The following SLC44A3 variants were observed in gnomAD, a reference collection of about 807,000 sequenced individuals.
The protein encoded by SLC44A3 is solute carrier family 44 member 3, also known as choline transporter-like protein 3.
In SLC44A3, 74 loss-of-function variants were observed where a neutral mutation model predicts 75.4. The observed-to-expected ratio is 0.98, with a 90% CI of 0.81 to 1.19. The LOEUF is 1.19. SLC44A3 is among the 50% of genes most tolerant of loss of function. SLC44A3 has a pLI of 0.00. For missense variants in SLC44A3, 700 were observed against 778.6 expected (o/e 0.90, Z 1.20); for synonymous variants, 310 against 296.9 (o/e 1.04, Z -0.45).
At chr1:94,867,046 T>TA (rs1667240225) in intron 11 of SLC44A3, among the ~76,000 whole-genome samples, 1 of 152,146 alleles carries the variant, frequency 6.6e-6, no homozygotes, top group African/African-American at 2.4e-5. Context: ...AGAGAGGTTT[T>TA]TTTTTTTACT....
rs1330913587 is a variant in SLC44A3, at chr1:94,821,075, T to C, written c.135+19T>C. On this transcript the variant is annotated intron_variant, in intron 2 of 14. Coordinates refer to ENST00000271227, the MANE Select transcript of SLC44A3 (RefSeq NM_001114106.3). Reference sequence around the variant, plus strand: ...TGGTTTGGTAAGTGTGGGTGCTTGGTAGGAAAGAGGCCAGAGTGTGTGTGC... The same window carrying C: ...TGGTTTGGTAAGTGTGGGTGCTTGGCAGGAAAGAGGCCAGAGTGTGTGTGC... 12 of 1,541,042 alleles carry C rather than the reference T, an allele frequency of 7.8e-6. No individual in the cohort carries two copies. Among genetic ancestry groups the C allele is most frequent in the Non-Finnish European group, 1.1e-5 (12 of 1,137,952 alleles).
intron 14 of SLC44A3, among the ~76,000 whole-genome samples, chr1:94,893,084 G>A (rs1670400946): frequency 6.6e-6 from 1 of 152,210 alleles, no homozygotes; most frequent in South Asian, 2.1e-4. Context: ...ATAGCAGGCA[G>A]CTGTTTGCAA....
chr1:94,826,929 C>G (rs1661431746), intron 3 of SLC44A3, among the ~76,000 whole-genome samples: 1 of 152,158 alleles, frequency 6.6e-6, no homozygotes, highest in African/African-American at 2.4e-5. Flanking sequence ...TAGCGCATAA[C>G]CTGCTGATGG....
At chr1:94,872,785 T>A (rs917582307) in intron 12 of SLC44A3, among the ~76,000 whole-genome samples, 2 of 151,906 alleles carry the variant, frequency 1.3e-5, no homozygotes, top group African/African-American at 4.8e-5. Context: ...ATCAAAGCCA[T>A]GAGATGCTTT....
At chr1:94,866,665 G>T (rs1667200554) in intron 11 of SLC44A3, among the ~76,000 whole-genome samples, 1 of 152,130 alleles carries the variant, frequency 6.6e-6, no homozygotes, top group Non-Finnish European at 1.5e-5. Flanking sequence ...TATTCCTGGG[G>T]TCCTCATCCT....
In SLC44A3 at chr1:94,888,631, G is replaced by A. The variant is rs928899585; in HGVS notation, c.1483-2499G>A. 4 of 979,428 alleles carry A rather than the reference G, an allele frequency of 4.1e-6. No homozygotes were observed. In the Admixed American group the frequency reaches 1.9e-4, roughly 46 times the overall value. The allele number at this position is 979,428 out of a possible 1,614,324, so 60.7% of individuals were successfully genotyped here. Reference sequence around the variant, plus strand: ...GTAAGTCCAAAACCAAAATTTCCTTGTGGAACTTTCTTTTTTTTTTTTGCA... The same window carrying A: ...GTAAGTCCAAAACCAAAATTTCCTTATGGAACTTTCTTTTTTTTTTTTGCA... On this transcript the variant is annotated intron_variant, in intron 12 of 14. Coordinates refer to ENST00000271227, the MANE Select transcript of SLC44A3 (RefSeq NM_001114106.3).
intron 9 of SLC44A3, among the ~76,000 whole-genome samples, chr1:94,855,790 A>T (rs1279066633): frequency 6.6e-6 from 1 of 152,156 alleles, no homozygotes; most frequent in Non-Finnish European, 1.5e-5. Flanking sequence ...ATATCTAAGG[A>T]CTCCTGAATG....
At chr1:94,840,879 T>A (rs533781208) in intron 7 of SLC44A3, among the ~76,000 whole-genome samples, 146 of 152,286 alleles carry the variant, frequency 9.6e-4, no homozygotes, top group African/African-American at 3.3e-3. Context: ...TCACCAGCAG[T>A]TGTTGGGAAA....
At chr1:94,824,148 G>A (rs1660979000) in intron 2 of SLC44A3, among the ~76,000 whole-genome samples, 1 of 150,968 alleles carries the variant, frequency 6.6e-6, no homozygotes, top group Admixed American at 6.6e-5. Context: ...GTTAAATTAA[G>A]CAAGAACATC....
intron 4 of SLC44A3, 141 bp from the exon 5 acceptor site, chr1:94,828,352 G>A: frequency 1.8e-6 from 1 of 565,066 alleles, no homozygotes; most frequent in Non-Finnish European, 3.1e-6. Flanking sequence ...ACCTCAGATT[G>A]TATGCCTATT....
At chr1:94,838,392 C>T (rs575597207) in intron 6 of SLC44A3, among the ~76,000 whole-genome samples, 1 of 152,322 alleles carries the variant, frequency 6.6e-6, no homozygotes, top group Admixed American at 6.5e-5. Flanking sequence ...AGGCCTTCAG[C>T]CTTCTCTGGG....
At chr1:94,882,007 G>A (rs1447349754) in intron 12 of SLC44A3, among the ~76,000 whole-genome samples, 2 of 151,460 alleles carry the variant, frequency 1.3e-5, no homozygotes, top group Non-Finnish European at 2.9e-5. Flanking sequence ...GTGAGAGAGC[G>A]AGACTCCATC....
intron 13 of SLC44A3, 126 bp from the exon 14 acceptor site, chr1:94,892,155 C>G: frequency 3.4e-6 from 3 of 870,124 alleles, no homozygotes; most frequent in Non-Finnish European, 5.4e-6. Flanking sequence ...TTCTGACAAG[C>G]ATTCTTTACA....
intron 2 of SLC44A3, among the ~76,000 whole-genome samples, chr1:94,821,321 C>G (rs1378148102): frequency 6.6e-6 from 1 of 152,118 alleles, no homozygotes; most frequent in African/African-American, 2.4e-5. Flanking sequence ...TTAGTAAGGC[C>G]AATGTGTCTC....
At chr1:94,825,330 T>G (rs1661166149) in intron 3 of SLC44A3, among the ~76,000 whole-genome samples, 1 of 152,178 alleles carries the variant, frequency 6.6e-6, no homozygotes. Context: ...GATGTTTTAT[T>G]TTTATTTTTT....
At chr1:94,822,612 A>G (rs943623630) in intron 2 of SLC44A3, among the ~76,000 whole-genome samples, 2 of 152,222 alleles carry the variant, frequency 1.3e-5, no homozygotes, top group African/African-American at 4.8e-5. Context: ...TGAAATTATA[A>G]GCAGAGATGG....
intron 6 of SLC44A3, among the ~76,000 whole-genome samples, chr1:94,839,483 G>A (rs892232042): frequency 1.3e-5 from 2 of 152,010 alleles, no homozygotes; most frequent in African/African-American, 2.4e-5. Context: ...CTGCCACCCG[G>A]GTTCAAGCGA....
chr1:94,826,965 C>A (rs193170741), intron 3 of SLC44A3, among the ~76,000 whole-genome samples: 2 of 152,180 alleles, frequency 1.3e-5, no homozygotes, highest in Non-Finnish European at 2.9e-5. Context: ...TCTTGTCCCC[C>A]CTCTGCCCTG....
At chr1:94,868,698 T>A (rs1389439021) in intron 12 of SLC44A3, among the ~76,000 whole-genome samples, 1 of 152,204 alleles carries the variant, frequency 6.6e-6, no homozygotes, top group Non-Finnish European at 1.5e-5. Flanking sequence ...TATATATGCA[T>A]GAAAAATAAA....
Sources: allele counts gnomAD v4.1 joint callset (sites outside exome capture counted in the v4.1 genomes callset), GRCh38; gene constraint gnomAD v4.1.1; transcripts MANE v1.5; gene names NCBI Gene and HGNC (gene_info 2026-07-23, HGNC 2026-07-21).